Variants in CACNA2D1 observed in about 807,000 individuals in gnomAD.
The protein encoded by CACNA2D1 is calcium voltage-gated channel auxiliary subunit alpha2delta 1.
CACNA2D1 carries 53 observed loss-of-function variants against 171.5 expected under a neutral mutation model. The ratio of observed to expected loss-of-function variants is 0.31; its 90% CI spans 0.25 to 0.39. The LOEUF (loss-of-function observed/expected upper bound fraction) is 0.39, where lower values mean the gene tolerates loss of function less well. Among genes scored for constraint, CACNA2D1 ranks in the 10% least tolerant of loss-of-function variants. The probability of loss-of-function intolerance (pLI) is 1.00; values close to 1 mark genes in which losing one functional copy is unlikely to be tolerated. For synonymous variants in CACNA2D1, 442 were observed against 443.1 expected (o/e 1.00, Z 0.03); for missense variants, 903 against 1,299.8 (o/e 0.69, Z 4.69).
chr7:82,428,807 C>T (rs1829424826), intron 1 of CACNA2D1, among the ~76,000 whole-genome samples: 1 of 152,176 alleles, frequency 6.6e-6, no homozygotes, highest in African/African-American at 2.4e-5. Context: ...ATACCAGAAG[C>T]AGGGTTCAAC....
intron 1 of CACNA2D1, among the ~76,000 whole-genome samples, chr7:82,352,322 A>G (rs1819939985): frequency 6.6e-6 from 1 of 152,220 alleles, no homozygotes; most frequent in Admixed American, 6.5e-5. Flanking sequence ...AAAATTACTC[A>G]AGGGAAAACA....
At chr7:82,259,772 G>T (rs1321984090) in intron 3 of CACNA2D1, among the ~76,000 whole-genome samples, 3 of 152,098 alleles carry the variant, frequency 2.0e-5, no homozygotes, top group Non-Finnish European at 4.4e-5. Flanking sequence ...GAGCCCTATT[G>T]GTTAGGTTTG....
intron 21 of CACNA2D1, among the ~76,000 whole-genome samples, chr7:81,985,184 C>T (rs1430510664): frequency 7.0e-6 from 1 of 143,510 alleles, no homozygotes; most frequent in Non-Finnish European, 1.5e-5. Flanking sequence ...GGAAGAGTTA[C>T]TATTATCATT....
intron 7 of CACNA2D1, among the ~76,000 whole-genome samples, chr7:82,082,764 T>C (rs1454117175): frequency 1.3e-5 from 2 of 151,770 alleles, no homozygotes; most frequent in East Asian, 2.0e-4. Flanking sequence ...ACATGAATTC[T>C]GCTAAATATC....
At chr7:82,226,887 C>T (rs1237814601) in intron 3 of CACNA2D1, among the ~76,000 whole-genome samples, 1 of 152,088 alleles carries the variant, frequency 6.6e-6, no homozygotes, top group Non-Finnish European at 1.5e-5. Flanking sequence ...CCCAGTTTAA[C>T]TTGTACTATA....
At chr7:82,137,045 T>C (rs1277077953) in intron 4 of CACNA2D1, among the ~76,000 whole-genome samples, 2 of 152,216 alleles carry the variant, frequency 1.3e-5, no homozygotes, top group African/African-American at 4.8e-5. Context: ...TAATACTTTG[T>C]TGAAGCCATG....
intron 10 of CACNA2D1, among the ~76,000 whole-genome samples, chr7:82,060,027 A>G (rs1187568391): frequency 2.8e-5 from 3 of 105,830 alleles, no homozygotes; most frequent in African/African-American, 7.0e-5. Flanking sequence ...GGATAGCATT[A>G]GGAGATATAC....
At chr7:82,236,370 T>C (rs1001591840) in intron 3 of CACNA2D1, among the ~76,000 whole-genome samples, 1 of 152,012 alleles carries the variant, frequency 6.6e-6, no homozygotes, top group African/African-American at 2.4e-5. Flanking sequence ...AAAACAGTGG[T>C]AGTCAATAGT....
intron 2 of CACNA2D1, among the ~76,000 whole-genome samples, chr7:82,336,073 G>C (rs1817958062): frequency 6.6e-6 from 1 of 152,114 alleles, no homozygotes; most frequent in South Asian, 2.1e-4. Context: ...AGATGAGAAG[G>C]AAATCCCTCA....
intron 1 of CACNA2D1, among the ~76,000 whole-genome samples, chr7:82,371,356 A>G (rs1316176244): frequency 6.6e-6 from 1 of 152,190 alleles, no homozygotes; most frequent in African/African-American, 2.4e-5. Context: ...AGACAGTTAC[A>G]TCATCATTTT....
chr7:82,250,460 C>A (rs1805500687), intron 3 of CACNA2D1, among the ~76,000 whole-genome samples: 1 of 152,022 alleles, frequency 6.6e-6, no homozygotes. Flanking sequence ...TGGATATATC[C>A]TGAAATATCC....
At chr7:82,292,758 G>A (rs1811807085) in intron 3 of CACNA2D1, among the ~76,000 whole-genome samples, 1 of 151,918 alleles carries the variant, frequency 6.6e-6, no homozygotes, top group African/African-American at 2.4e-5. Flanking sequence ...TACTTATGAT[G>A]TCTTTCAATC....
At chr7:82,349,779 C>G in intron 1 of CACNA2D1, 130 bp from the exon 2 acceptor site, 1 of 756,814 alleles carries the variant, frequency 1.3e-6, no homozygotes, top group Non-Finnish European at 2.3e-6. Flanking sequence ...CTCCTAGCAC[C>G]GACTATGTCC....
intron 7 of CACNA2D1, among the ~76,000 whole-genome samples, chr7:82,071,896 CAA>C (rs1236091439): frequency 6.6e-6 from 1 of 152,068 alleles, no homozygotes; most frequent in African/African-American, 2.4e-5. Flanking sequence ...CTTTTGGCCT[CAA>C]AAGTTTTACG....
chr7:82,144,116 G>C (rs1040475291), intron 4 of CACNA2D1, among the ~76,000 whole-genome samples: 1 of 152,022 alleles, frequency 6.6e-6, no homozygotes, highest in Admixed American at 6.6e-5. Context: ...GGTCATAAAA[G>C]CTGAGCTGGT....
At chr7:81,975,298 C>T (rs939332488) in intron 24 of CACNA2D1, among the ~76,000 whole-genome samples, 2 of 151,972 alleles carry the variant, frequency 1.3e-5, no homozygotes. Context: ...TCTTAAAGTT[C>T]ATTACATGTT....
At chr7:82,080,206 TTGTA>T (rs1809582515) in intron 7 of CACNA2D1, among the ~76,000 whole-genome samples, 1 of 151,526 alleles carries the variant, frequency 6.6e-6, no homozygotes, top group Non-Finnish European at 1.5e-5. Flanking sequence ...ACCTGCCTCT[TTGTA>T]TGTGACTCTG....
intron 4 of CACNA2D1, among the ~76,000 whole-genome samples, chr7:82,138,992 G>A (rs957819260): frequency 1.3e-5 from 2 of 151,954 alleles, no homozygotes; most frequent in African/African-American, 4.8e-5. Context: ...TAACAGAATG[G>A]GAACACGTAG....
At chr7:82,093,270 T>C (rs1811451185) in intron 6 of CACNA2D1, among the ~76,000 whole-genome samples, 1 of 152,132 alleles carries the variant, frequency 6.6e-6, no homozygotes, top group African/African-American at 2.4e-5. Flanking sequence ...GTTTTGAAGA[T>C]TATACATACT....
Sources: allele counts gnomAD v4.1 joint callset (sites outside exome capture counted in the v4.1 genomes callset), GRCh38; gene constraint gnomAD v4.1.1; transcripts MANE v1.5; gene names NCBI Gene and HGNC (gene_info 2026-07-23, HGNC 2026-07-21).